UACA: variants seen among roughly 807,000 people sequenced by gnomAD.
UACA encodes the protein nuclear membrane binding protein.
UACA carries 112 observed loss-of-function variants against 160.5 expected under a neutral mutation model. The ratio of observed to expected loss-of-function variants is 0.70; its 90% CI spans 0.60 to 0.82. The LOEUF (loss-of-function observed/expected upper bound fraction) is 0.82, where lower values mean the gene tolerates loss of function less well. Among genes scored for constraint, UACA ranks in the 40% least tolerant of loss-of-function variants. UACA has a pLI of 0.00. For synonymous variants in UACA, 557 were observed against 568.4 expected (o/e 0.98, Z 0.29); for missense variants, 1,574 against 1,614.6 (o/e 0.97, Z 0.43).
intron 1 of UACA, among the ~76,000 whole-genome samples, chr15:70,707,964 C>G (rs1019025657): frequency 1.3e-4 from 20 of 152,158 alleles, no homozygotes; most frequent in Admixed American, 1.1e-3. Flanking sequence ...CTAGAGATAT[C>G]TGCATATCCA....
intron 1 of UACA, among the ~76,000 whole-genome samples, chr15:70,761,558 C>T (rs934543502): frequency 6.6e-6 from 1 of 152,164 alleles, no homozygotes; most frequent in African/African-American, 2.4e-5. Context: ...TTCATCACTA[C>T]AGTTTTATTT....
At chr15:70,754,049 G>A (rs1356307929) in intron 1 of UACA, 9 of 449,738 alleles carry the variant, frequency 2.0e-5, no homozygotes, top group East Asian at 7.1e-5. Flanking sequence ...CAAGTGATCC[G>A]CCCACCTCGG....
intron 1 of UACA, chr15:70,702,120 T>A: frequency 1.5e-6 from 2 of 1,323,192 alleles, no homozygotes; most frequent in East Asian, 5.9e-5. Flanking sequence ...TCGAATATTA[T>A]CTTCCTTGCA....
At chr15:70,756,244 G>A (rs113211442) in intron 1 of UACA, among the ~76,000 whole-genome samples, 16 of 151,542 alleles carry the variant, frequency 1.1e-4, no homozygotes, top group African/African-American at 3.9e-4. Context: ...TCAGCTCACT[G>A]CAACCTCCGC....
intron 1 of UACA, among the ~76,000 whole-genome samples, chr15:70,709,720 C>A (rs919338357): frequency 6.6e-6 from 1 of 152,160 alleles, no homozygotes; most frequent in Non-Finnish European, 1.5e-5. Flanking sequence ...GACAGAAAGT[C>A]TCCTAAGAAA....
intron 4 of UACA, 134 bp from the exon 5 acceptor site, chr15:70,690,645 C>A: frequency 1.6e-6 from 1 of 639,874 alleles, no homozygotes; most frequent in South Asian, 2.2e-5. Flanking sequence ...ATCCGACAAT[C>A]CATGAAATAT....
intron 1 of UACA, among the ~76,000 whole-genome samples, chr15:70,706,848 C>T (rs1898537233): frequency 1.3e-5 from 2 of 152,052 alleles, no homozygotes. Flanking sequence ...AACTGAATAC[C>T]GTTAAGATGT....
At chr15:70,746,006 C>T (rs1489839112) in intron 1 of UACA, among the ~76,000 whole-genome samples, 4 of 152,056 alleles carry the variant, frequency 2.6e-5, no homozygotes, top group African/African-American at 7.2e-5. Context: ...AAGATTTAAA[C>T]GTAAGACCTA....
intron 1 of UACA, among the ~76,000 whole-genome samples, chr15:70,702,580 G>A (rs896974404): frequency 6.6e-6 from 1 of 152,114 alleles, no homozygotes; most frequent in Non-Finnish European, 1.5e-5. Flanking sequence ...TTATTCCACA[G>A]AACAATATTT....
At chr15:70,772,450 G>A in the UACA span, among the ~76,000 whole-genome samples, 25 of 136,620 alleles carry the variant, frequency 1.8e-4, 1 homozygote, top group East Asian at 4.8e-3. Flanking sequence ...CCAAGGTTGC[G>A]CCACTGCACT....
At chr15:70,776,425 CTTTTTTTTTT>C in the UACA span, among the ~76,000 whole-genome samples, 1 of 125,330 alleles carries the variant, frequency 8.0e-6, no homozygotes, top group Admixed American at 8.2e-5. Context: ...CCTCAAATGT[CTTTTTTTTTT>C]TTTTTTTTTT....
intron 1 of UACA, among the ~76,000 whole-genome samples, chr15:70,759,145 T>C (rs1036005251): frequency 6.6e-6 from 1 of 152,200 alleles, no homozygotes; most frequent in Non-Finnish European, 1.5e-5. Context: ...CCTTCTAAAA[T>C]GTCTGCTTAC....
At chr15:70,769,141 G>A in the UACA span, among the ~76,000 whole-genome samples, 83 of 151,950 alleles carry the variant, frequency 5.5e-4, no homozygotes, top group Non-Finnish European at 4.3e-4. Flanking sequence ...GGCAGGTCAC[G>A]AAGTCAGGAG....
intron 9 of UACA, 87 bp downstream of exon 9, chr15:70,682,671 A>ATCAAGCCCGTG: frequency 1.3e-6 from 1 of 759,490 alleles, no homozygotes; most frequent in African/African-American, 1.8e-5. Flanking sequence ...TAAACTCAGA[A>ATCAAGCCCGTG]TAGTTATGCT....
rs1566962581 is a variant in UACA, at chr15:70,666,764, ATTC to A, written c.3917_3919del (p.Arg1306del). On this transcript the variant is annotated inframe_deletion, in exon 16 of 19. Coordinates refer to ENST00000322954, the MANE Select transcript of UACA (RefSeq NM_018003.4). Reference sequence around the variant, plus strand: ...TTCTATTTGTTTAGCAGATTCTTGTATTCTTCTTTGTAACTCTGTGATTGTTGT... The same window carrying A: ...TTCTATTTGTTTAGCAGATTCTTGTATTCTTTGTAACTCTGTGATTGTTGT... 7 of 1,609,294 alleles carry A rather than the reference ATTC, an allele frequency of 4.3e-6. No homozygotes were observed. Among genetic ancestry groups the A allele is most frequent in the African/African-American group, 4.0e-5 (3 of 74,504 alleles).
rs1435424818 is a variant in UACA at position 70,662,857 on chromosome 15, T to C, written c.4113+1805A>G. ...CCTTCCTTACACCTTATACAAAAAT[T>C]AATTCAAGATGGATTAAAGACTTAA... On this transcript the variant is annotated intron_variant, in intron 17 of 18. Transcript: ENST00000322954. Among the ~76,000 whole-genome samples, 6 of 151,916 alleles carry C rather than the reference T, an allele frequency of 3.9e-5. No homozygotes were observed. In the East Asian group the frequency reaches 7.7e-4, roughly 20 times the overall value.
At chr15:70,701,845 CTT>C in intron 1 of UACA, 1 of 1,583,158 alleles carries the variant, frequency 6.3e-7, no homozygotes, top group Non-Finnish European at 8.6e-7. Context: ...AACCAAGAAT[CTT>C]TTGTTACACT....
At chr15:70,703,086 T>C in intron 1 of UACA, 1 of 1,286,606 alleles carries the variant, frequency 7.8e-7, no homozygotes, top group East Asian at 5.6e-5. Context: ...ACAAAGCAGA[T>C]AACTTCTCTG....
Position 70,763,508 on chromosome 15 carries a change from T to TACCAGCCCCACCTGCCTGC in UACA, c.-120_-102dup. 3.2e-6 allele frequency: 4 copies of TACCAGCCCCACCTGCCTGC among 1,251,642 alleles called. No homozygotes were observed. Among genetic ancestry groups the TACCAGCCCCACCTGCCTGC allele is most frequent in the Non-Finnish European group, 4.0e-6 (4 of 992,244 alleles). The allele number at this position is 1,251,642 out of a possible 1,614,324, so 77.5% of individuals were successfully genotyped here. A position where few individuals can be genotyped will look rare whatever the true frequency, so the allele number is the denominator to read the frequency against. On this transcript the variant is annotated 5_prime_UTR_variant, in exon 1 of 19. Transcript: ENST00000322954. ...GCTGCAGCAGAGGCGGCGCGGGCTGTACCAGCCCCACCTGCCTGCCACCTG... is the reference window on the plus strand; with the variant it reads ...GCTGCAGCAGAGGCGGCGCGGGCTGTACCAGCCCCACCTGCCTGCACCAGCCCCACCTGCCTGCCACCTG...
Sources: allele counts gnomAD v4.1 joint callset (sites outside exome capture counted in the v4.1 genomes callset), GRCh38; gene constraint gnomAD v4.1.1; transcripts MANE v1.5; gene names NCBI Gene and HGNC (gene_info 2026-07-23, HGNC 2026-07-21).